Variants in ZNF169 observed in about 807,000 individuals in gnomAD.
ZNF169 encodes zinc finger protein 169.
Under a neutral mutation model 12.0 loss-of-function variants are expected in ZNF169, and 11 were observed. That is an observed-to-expected ratio of 0.92 (90% confidence interval 0.58 to 1.52). The LOEUF (loss-of-function observed/expected upper bound fraction) is 1.52. Ranked by LOEUF, ZNF169 falls within the 40% of genes most tolerant of loss-of-function variation. The pLI is 0.00. For synonymous variants in ZNF169, 302 were observed against 286.5 expected, an observed-to-expected ratio of 1.05 and a Z score of -0.55; for missense variants, 722 against 744.0, an observed-to-expected ratio of 0.97 and a Z score of 0.34.
chr9:94,301,371 C>A lies in ZNF169; in HGVS notation c.*1C>A. ...GCTCCTACCCCAAGAGGTCTTCTGA[C>A]CTTTCCTTTCCCCGTGAGTGTGAAG... is the stretch of plus-strand genomic sequence containing the variant. On this transcript the variant is annotated 3_prime_UTR_variant, in exon 5 of 5. Transcript: ENST00000395395. 1 of 1,596,550 alleles carries A rather than the reference C, an allele frequency of 6.3e-7. No homozygotes were observed. The highest frequency in any genetic ancestry group is 8.6e-7 in the Non-Finnish European group (1 of 1,168,356).
intron 2 of ZNF169, among the ~76,000 whole-genome samples, chr9:94,281,544 A>G (rs1260803929): frequency 1.3e-5 from 2 of 152,212 alleles, no homozygotes; most frequent in Non-Finnish European, 2.9e-5. Flanking sequence ...CTAACTCTGT[A>G]AAATATTTTT....
chr9:94,292,715 C>T (rs1165479767), intron 3 of ZNF169: 1 of 631,312 alleles, frequency 1.6e-6, no homozygotes, highest in East Asian at 2.8e-5. Context: ...GGCTGGGCTC[C>T]TCCTCTAAGG....
intron 1 of ZNF169, among the ~76,000 whole-genome samples, chr9:94,262,649 C>T (rs745449277): frequency 2.2e-4 from 33 of 151,876 alleles, no homozygotes; most frequent in Non-Finnish European, 3.5e-4. Flanking sequence ...TTAATAGAGA[C>T]GGGGTTTTAC....
At chr9:94,288,066 G>A (rs1830752606) in intron 2 of ZNF169, 2 of 787,004 alleles carry the variant, frequency 2.5e-6, no homozygotes, top group Non-Finnish European at 4.6e-6. Context: ...GGTCACTCGG[G>A]ACTTTGCATT....
chr9:94,289,571 CCT>C (rs1212877314), intron 2 of ZNF169, among the ~76,000 whole-genome samples: 7 of 152,222 alleles, frequency 4.6e-5, no homozygotes, highest in Non-Finnish European at 8.8e-5. Context: ...AGGTGGATCA[CCT>C]GTGGTCAGGA....
At chr9:94,287,565 T>C (rs1830740557) in intron 2 of ZNF169, 2 of 423,038 alleles carry the variant, frequency 4.7e-6, no homozygotes, top group Non-Finnish European at 8.8e-6. Context: ...AGGGTTTCAT[T>C]GTGTTAGCCA....
intron 1 of ZNF169, among the ~76,000 whole-genome samples, chr9:94,269,871 C>T (rs1417461623): frequency 6.6e-6 from 1 of 152,122 alleles, no homozygotes; most frequent in East Asian, 1.9e-4. Context: ...CCTCTGGAGC[C>T]TCAGTAAATT....
intron 4 of ZNF169, among the ~76,000 whole-genome samples, chr9:94,299,083 A>G (rs1831004714): frequency 2.0e-5 from 3 of 152,180 alleles, no homozygotes; most frequent in Non-Finnish European, 2.9e-5. Context: ...ATTGAGCAAA[A>G]CAGTGTACGT....
chr9:94,265,689 A>G (rs968240606), intron 1 of ZNF169, among the ~76,000 whole-genome samples: 9 of 152,134 alleles, frequency 5.9e-5, no homozygotes, highest in Admixed American at 2.6e-4. Flanking sequence ...CTTTTAATCT[A>G]TAACTAAGGT....
In ZNF169 at chr9:94,299,989, G is replaced by T. The variant is rs1264967461; in HGVS notation, c.431G>T (p.Gly144Val). 6.2e-7 allele frequency: 1 copy of T among 1,613,982 alleles called. No homozygotes were observed. Among genetic ancestry groups the T allele is most frequent in the Admixed American group, 1.7e-5 (1 of 59,976 alleles). The change falls in exon 5 of 5, where the codon GGA becomes GTA. Residue 144 changes from glycine (G) to valine (V), a missense_variant. Physicochemically the swap from Gly to Val is moderately radical, Grantham distance 109 (BLOSUM62 -3). Coordinates refer to ENST00000395395, the MANE Select transcript of ZNF169 (RefSeq NM_194320.4). ...PRCSSEKGES[G>V]ETEGPDSSLR... ...TGCTCTAGTGAAAAAGGAGAAAGTG[G>T]AGAGACAGAAGGCCCCGACAGCTCA...
At chr9:94,293,511 T>TGTTCAAGTGATTTCTCCTGC (rs1453120588) in intron 4 of ZNF169, 1 of 298,890 alleles carries the variant, frequency 3.3e-6, no homozygotes, top group Non-Finnish European at 6.3e-6. Flanking sequence ...CTGCCTCCTG[T>TGTTCAAGTGATTTCTCCTGC]GTTCAAGTGA....
At chr9:94,270,591 ATATATT>A (rs1371020779) in intron 1 of ZNF169, among the ~76,000 whole-genome samples, 2 of 134,046 alleles carry the variant, frequency 1.5e-5, no homozygotes, top group Non-Finnish European at 3.1e-5. Context: ...ATATATATAA[ATATATT>A]TATATAATTT....
At position 94,278,876 on chromosome 9, in the gene ZNF169, C is replaced by T. The variant is rs1287659713; in HGVS notation, c.33+31C>T. ...TCCTGAAATTTCTTCCTAGCTATTG[C>T]AGGAAGGTTTCATAATCTTTTCTTG... On this transcript the variant is annotated intron_variant, in intron 2 of 4. Coordinates refer to ENST00000395395, the MANE Select transcript of ZNF169 (RefSeq NM_194320.4). The T allele has an allele frequency of 3.1e-6, 5 of 1,610,744 alleles. No individual in the cohort carries two copies. In the South Asian group the frequency reaches 5.5e-5, roughly 18 times the overall value.
chr9:94,293,256 G>A, intron 4 of ZNF169, 187 bp downstream of exon 4: 1 of 614,992 alleles, frequency 1.6e-6, no homozygotes, highest in South Asian at 1.9e-5. Flanking sequence ...GGGCACCCCT[G>A]GCATTCCATC....
chr9:94,284,822 G>T (rs567110066), intron 2 of ZNF169, among the ~76,000 whole-genome samples: 2 of 152,074 alleles, frequency 1.3e-5, no homozygotes, highest in South Asian at 4.1e-4. Flanking sequence ...TACCCAAAAT[G>T]ATCTATAGAT....
intron 2 of ZNF169, among the ~76,000 whole-genome samples, chr9:94,280,723 C>T (rs1406775213): frequency 6.6e-6 from 1 of 152,138 alleles, no homozygotes; most frequent in Non-Finnish European, 1.5e-5. Flanking sequence ...CCCCTGTTGG[C>T]TAGGGTTGGA....
At chr9:94,275,366 G>T (rs1289999898) in intron 1 of ZNF169, among the ~76,000 whole-genome samples, 1 of 152,190 alleles carries the variant, frequency 6.6e-6, no homozygotes, top group Non-Finnish European at 1.5e-5. Flanking sequence ...TTGGAGATTT[G>T]TTTTCTATGC....
chr9:94,291,047 C>CTTTTTTTTTTTTTT (rs59027045), intron 2 of ZNF169, among the ~76,000 whole-genome samples: 1 of 59,570 alleles, frequency 1.7e-5, no homozygotes, highest in African/African-American at 7.3e-5. Context: ...GAACAGTATT[C>CTTTTTTTTTTTTTT]TTTTTTTTTT....
At position 94,300,507 on chromosome 9, in the gene ZNF169, C is replaced by T; in HGVS notation, c.949C>T (p.Pro317Ser). The change falls in exon 5 of 5, where the codon CCC (proline) becomes TCC (serine). Residue 317 changes from proline to serine, a missense_variant. Transcript: ENST00000395395. ...NHKRIHSGERPFVCQECGRGF... is the reference protein window; with the variant it reads ...NHKRIHSGERSFVCQECGRGF... ...CAAGAGGATTCACTCCGGGGAGAGG[C>T]CCTTTGTATGTCAGGAGTGTGGGCG... 1 of 1,614,222 alleles carries T rather than the reference C, an allele frequency of 6.2e-7. No homozygotes were observed. The highest frequency in any genetic ancestry group is 8.5e-7 in the Non-Finnish European group (1 of 1,180,050).
Sources: allele counts gnomAD v4.1 joint callset (sites outside exome capture counted in the v4.1 genomes callset), GRCh38; gene constraint gnomAD v4.1.1; transcripts MANE v1.5; gene names NCBI Gene and HGNC (gene_info 2026-07-23, HGNC 2026-07-21).